Variants in SOX5 observed in about 807,000 individuals in gnomAD.
The protein encoded by SOX5 is transcription factor SOX-5.
SOX5 carries 9 observed loss-of-function variants against 92.0 expected under a neutral mutation model. The observed-to-expected ratio is 0.10, with a 90% CI of 0.06 to 0.17. SOX5 has a LOEUF of 0.17. Among genes scored for constraint, SOX5 ranks in the 10% least tolerant of loss-of-function variants. The pLI is 1.00. For synonymous variants in SOX5, 344 were observed against 336.3 expected (o/e 1.02, Z -0.25); for missense variants, 642 against 944.5 (o/e 0.68, Z 4.20).
intron 8 of SOX5, among the ~76,000 whole-genome samples, chr12:23,615,760 G>A (rs913027111): frequency 6.6e-6 from 1 of 152,040 alleles, no homozygotes; most frequent in Non-Finnish European, 1.5e-5. Context: ...TTAGGTATAT[G>A]CCCAATAATG....
chr12:24,506,680 C>A (rs935046166), intron 1 of SOX5, among the ~76,000 whole-genome samples: 9 of 151,652 alleles, frequency 5.9e-5, no homozygotes, highest in African/African-American at 1.5e-4. Context: ...CTGATCAGAG[C>A]CTTGAAGAAT....
chr12:23,566,617 C>T (rs1307763509), intron 10 of SOX5, among the ~76,000 whole-genome samples: 1 of 152,106 alleles, frequency 6.6e-6, no homozygotes, highest in African/African-American at 2.4e-5. Flanking sequence ...AATTAAAATC[C>T]TAGCTTTGAC....
intron 3 of SOX5, among the ~76,000 whole-genome samples, chr12:23,783,308 G>C (rs981864234): frequency 6.6e-6 from 1 of 152,144 alleles, no homozygotes; most frequent in Non-Finnish European, 1.5e-5. Flanking sequence ...AAGGAAGTAT[G>C]TCTAGTTCGT....
chr12:23,800,791 C>T (rs1450485983), intron 3 of SOX5, among the ~76,000 whole-genome samples: 8 of 152,144 alleles, frequency 5.3e-5, no homozygotes, highest in Admixed American at 1.3e-4. Flanking sequence ...CCATTATTCT[C>T]ATTAGAAATT....
chr12:24,183,649 A>G (rs1955731026), intron 4 of SOX5, among the ~76,000 whole-genome samples: 2 of 152,202 alleles, frequency 1.3e-5, no homozygotes, highest in South Asian at 2.1e-4. Context: ...AAAATCTAAT[A>G]TAAAAAAAAT....
chr12:24,276,574 A>G (rs1245083112), intron 3 of SOX5, among the ~76,000 whole-genome samples: 3 of 152,182 alleles, frequency 2.0e-5, no homozygotes, highest in Admixed American at 2.0e-4. Flanking sequence ...CATGATGACT[A>G]GTCAATCAAT....
At chr12:24,462,425 C>G (rs996523231) in intron 1 of SOX5, among the ~76,000 whole-genome samples, 1 of 152,158 alleles carries the variant, frequency 6.6e-6, no homozygotes, top group African/African-American at 2.4e-5. Context: ...CAACAATATT[C>G]ATGATATTAT....
At chr12:23,949,186 T>A (rs1945128350) in intron 1 of SOX5, among the ~76,000 whole-genome samples, 1 of 152,078 alleles carries the variant, frequency 6.6e-6, no homozygotes, top group Non-Finnish European at 1.5e-5. Context: ...ACAGAGATGC[T>A]GAAAATGGTA....
chr12:24,013,465 C>T (rs1004457603), intron 4 of SOX5, among the ~76,000 whole-genome samples: 1 of 152,154 alleles, frequency 6.6e-6, no homozygotes, highest in African/African-American at 2.4e-5. Flanking sequence ...ATTTCTAAAA[C>T]GTATCTGCAT....
intron 6 of SOX5, among the ~76,000 whole-genome samples, chr12:23,731,598 A>G (rs1319383151): frequency 6.6e-6 from 1 of 152,168 alleles, no homozygotes; most frequent in African/African-American, 2.4e-5. Flanking sequence ...CACAACAACA[A>G]TGAGCAAAAT....
chr12:23,822,313 G>A (rs2096135989), intron 3 of SOX5, among the ~76,000 whole-genome samples: 1 of 152,112 alleles, frequency 6.6e-6, no homozygotes, highest in South Asian at 2.1e-4. Flanking sequence ...CAGAGATTCT[G>A]GTACATTGTG....
At chr12:23,701,610 T>C (rs751528537) in intron 6 of SOX5, among the ~76,000 whole-genome samples, 2 of 152,110 alleles carry the variant, frequency 1.3e-5, no homozygotes, top group African/African-American at 2.4e-5. Flanking sequence ...ATTTGCTATC[T>C]GTTTCTCATC....
At chr12:24,052,024 A>G (rs1483679574) in intron 4 of SOX5, among the ~76,000 whole-genome samples, 3 of 152,186 alleles carry the variant, frequency 2.0e-5, no homozygotes, top group Admixed American at 6.5e-5. Context: ...TGTCACATAC[A>G]ATCCTCTTAG....
chr12:24,023,210 G>C (rs1024125662), intron 4 of SOX5, among the ~76,000 whole-genome samples: 8 of 152,102 alleles, frequency 5.3e-5, no homozygotes, highest in Non-Finnish European at 1.0e-4. Context: ...GCACATTCAT[G>C]AAGCACATTC....
intron 2 of SOX5, among the ~76,000 whole-genome samples, chr12:24,343,911 A>T (rs1394585487): frequency 6.6e-6 from 1 of 152,208 alleles, no homozygotes; most frequent in Non-Finnish European, 1.5e-5. Context: ...TTGGCAAAAA[A>T]TCTTAGTACT....
At chr12:24,406,072 G>A (rs1962874081) in intron 1 of SOX5, among the ~76,000 whole-genome samples, 1 of 152,104 alleles carries the variant, frequency 6.6e-6, no homozygotes. Context: ...CAAGAGAGCT[G>A]GGCTAGGAGC....
intron 4 of SOX5, among the ~76,000 whole-genome samples, chr12:24,124,010 C>G (rs1259084997): frequency 2.6e-5 from 4 of 152,208 alleles, no homozygotes; most frequent in South Asian, 4.1e-4. Context: ...AATGCAATTG[C>G]ATGGCTGGTT....
intron 6 of SOX5, among the ~76,000 whole-genome samples, chr12:23,718,086 C>A (rs913598083): frequency 2.2e-5 from 3 of 135,504 alleles, no homozygotes; most frequent in African/African-American, 7.6e-5. Context: ...TTTTAAAAAC[C>A]TTTCTGCAAA....
chr12:24,166,931 T>A (rs912577898), intron 4 of SOX5, among the ~76,000 whole-genome samples: 1 of 152,170 alleles, frequency 6.6e-6, no homozygotes, highest in Non-Finnish European at 1.5e-5. Context: ...GTGCTCAGAA[T>A]GCCCATTTAT....
Sources: gnomAD v4.1 joint callset for allele counts (sites outside exome capture counted in the v4.1 genomes callset) on GRCh38, gnomAD v4.1.1 for gene constraint, MANE v1.5 for transcripts, NCBI Gene and HGNC (gene_info 2026-07-23, HGNC 2026-07-21) for gene names.